Variants in EVPLL observed in about 807,000 individuals in gnomAD.
EVPLL encodes envoplakin-like protein.
A neutral mutation model predicts 46.2 loss-of-function variants in EVPLL; 39 were observed. That is an observed-to-expected ratio of 0.84 (90% CI 0.65 to 1.10). The LOEUF (loss-of-function observed/expected upper bound fraction) is 1.10, where lower values mean the gene tolerates loss of function less well. Ranked by LOEUF, EVPLL falls within the 50% of genes least tolerant of loss-of-function variation. The pLI, the probability that EVPLL is intolerant of heterozygous loss-of-function variation, is 0.00. For synonymous variants in EVPLL, 156 were observed against 165.8 expected (o/e 0.94, Z 0.46); for missense variants, 385 against 412.6 (o/e 0.93, Z 0.58).
chr17:18,379,331 G>A (rs1598093439), intron 1 of EVPLL, among the ~76,000 whole-genome samples: 1 of 152,238 alleles, frequency 6.6e-6, no homozygotes, highest in South Asian at 2.1e-4. Flanking sequence ...CCATTACCCC[G>A]ATAGGGATCA....
chr17:18,380,578 G>C (rs537848590), intron 1 of EVPLL: 28 of 238,058 alleles, frequency 1.2e-4, no homozygotes, highest in South Asian at 5.1e-4. Context: ...CGGCTCACAG[G>C]GGGGAAGTGG....
chr17:18,380,908 AC>A lies in EVPLL; in HGVS notation c.-27del. On this transcript the variant is annotated 5_prime_UTR_variant, in exon 2 of 11. The change abolishes the stop of an existing upstream ORF in the 5' untranslated region. Coordinates refer to ENST00000399134, the MANE Select transcript of EVPLL (RefSeq NM_001145127.2). Reference sequence around the variant, plus strand: ...GTCCCCTCCACCCACCAAGAATGCCACCCAGGAGCTGACCCTGCTCATCTCC... The same window carrying A: ...GTCCCCTCCACCCACCAAGAATGCCACCAGGAGCTGACCCTGCTCATCTCC... 3.8e-6 allele frequency: 6 copies of A among 1,571,020 alleles called. No homozygotes were observed. The highest frequency in any genetic ancestry group is 1.2e-5 in the South Asian group (1 of 84,944).
At chr17:18,379,619 C>A (rs77513611) in intron 1 of EVPLL, among the ~76,000 whole-genome samples, 3,135 of 152,290 alleles carry the variant, frequency 0.021, 152 homozygotes, top group East Asian at 0.17. Context: ...GCCCTGTTGG[C>A]TCTGGATCAC....
At position 18,383,188 on chromosome 17, in the gene EVPLL, C is replaced by A. The variant is rs773949798; in HGVS notation, c.672+3C>A. On this transcript the variant is annotated splice_donor_region_variant and intron_variant, in intron 7 of 10. Coordinates refer to ENST00000399134, the MANE Select transcript of EVPLL (RefSeq NM_001145127.2). ...CGGGCGTGCGGCGGGAATACGAGGT[C>A]GGCTGGCAGAGGTTGGGGCCAGGCG... 4.4e-5 allele frequency: 68 copies of A among 1,546,518 alleles called. No individual in the cohort carries two copies. The highest frequency in any genetic ancestry group is 4.3e-5 in the Non-Finnish European group (50 of 1,151,372).
In EVPLL at chr17:18,382,880, G is replaced by A. The variant is rs1767428149; in HGVS notation, c.511+16G>A. 4 of 1,611,848 alleles carry A rather than the reference G, an allele frequency of 2.5e-6. No homozygotes were observed. Among genetic ancestry groups the A allele is most frequent in the Non-Finnish European group, 3.4e-6 (4 of 1,179,176 alleles). On this transcript the variant is annotated intron_variant, in intron 6 of 10. Transcript: ENST00000399134. The stretch of plus-strand genomic sequence containing the variant: ...AGACCTACTGGTGAGCAGGAGGGAG[G>A]GTCGGGCAGGGTGGCTGCAGGTGGG...
In EVPLL at chr17:18,382,628, T is replaced by C. The variant is rs967017128; in HGVS notation, c.462T>C (p.Pro154=). ...DQRPRRAAAE[P]GGAGCRHHPE... ...GACCAAGGAGAGCAGCTGCGGAGCCTGGTGGGGCCGGTGGGTGAGCCGGGA... is the reference window on the plus strand; with the variant it reads ...GACCAAGGAGAGCAGCTGCGGAGCCCGGTGGGGCCGGTGGGTGAGCCGGGA... Residue 154 remains proline (P), a synonymous_variant, in exon 5 of 11, where the codon CCT becomes CCC. Transcript: ENST00000399134. The C allele has an allele frequency of 3.2e-6, 5 of 1,551,434 alleles. No individual in the cohort carries two copies. Among genetic ancestry groups the C allele is most frequent in the Non-Finnish European group, 4.4e-6 (5 of 1,146,958 alleles).
At position 18,382,703 on chromosome 17, in the gene EVPLL, C is replaced by T. The variant is rs1207000436; in HGVS notation, c.472+65C>T. On this transcript the variant is annotated intron_variant, in intron 5 of 10. Transcript: ENST00000399134. Reference sequence around the variant, plus strand: ...CAGCCCCTGTTTTTCCAGTCAGAGCCGGAGCTAGATCGGCTGGGCCCTGGG... The same window carrying T: ...CAGCCCCTGTTTTTCCAGTCAGAGCTGGAGCTAGATCGGCTGGGCCCTGGG... The T allele has an allele frequency of 8.6e-6, 13 of 1,509,046 alleles. No individual in the cohort carries two copies. In the South Asian group the frequency reaches 1.4e-4, roughly 17 times the overall value. 93.5% of individuals were successfully genotyped at this position (1,509,046 alleles called of 1,614,324 possible).
intron 9 of EVPLL, among the ~76,000 whole-genome samples, chr17:18,387,030 G>T (rs914015597): frequency 1.3e-5 from 2 of 151,074 alleles, no homozygotes; most frequent in African/African-American, 4.9e-5. Context: ...AAGTAGCTGG[G>T]ACTACAGGTG....
In EVPLL at chr17:18,382,882, T is replaced by C. The variant is rs1161796643; in HGVS notation, c.511+18T>C. ...ACCTACTGGTGAGCAGGAGGGAGGG[T>C]CGGGCAGGGTGGCTGCAGGTGGGCC... On this transcript the variant is annotated intron_variant, in intron 6 of 10. Coordinates refer to ENST00000399134, the MANE Select transcript of EVPLL (RefSeq NM_001145127.2). 6.2e-7 allele frequency: 1 copy of C among 1,610,770 alleles called. No homozygotes were observed. Among genetic ancestry groups the C allele is most frequent in the African/African-American group, 1.3e-5 (1 of 74,560 alleles).
intron 6 of EVPLL, 49 bp downstream of exon 6, chr17:18,382,913 GGC>G: frequency 6.2e-7 from 1 of 1,604,246 alleles, no homozygotes; most frequent in African/African-American, 1.3e-5. Context: ...GGGCCTGGGT[GGC>G]CGCCCGGACC....
At chr17:18,387,135 A>G (rs200023012) in intron 9 of EVPLL, among the ~76,000 whole-genome samples, 915 of 139,112 alleles carry the variant, frequency 6.6e-3, no homozygotes, top group African/African-American at 0.02. Flanking sequence ...TCCTGACCTC[A>G]TGATCTGCCC....
In EVPLL at chr17:18,381,435, G is replaced by T; in HGVS notation, c.132G>T (p.Glu44Asp). The T allele has an allele frequency of 6.2e-7, 1 of 1,612,144 alleles. No homozygotes were observed. The change falls in exon 3 of 11, where the codon GAG becomes GAT. Residue 44 changes from glutamate to aspartate, a missense_variant. Coordinates refer to ENST00000399134, the MANE Select transcript of EVPLL (RefSeq NM_001145127.2). The surrounding 1 kb of genome is among the most constrained non-coding windows in gnomAD (Gnocchi z 4.2). ...AGGAGACGGGCAGCAGCCTGAAGGA[G>T]GCCGAGGTGCTGCTCAAGGACCTCT... ...HQQETGSSLKEAEVLLKDLFL... is the reference protein window; with the variant it reads ...HQQETGSSLKDAEVLLKDLFL...
chr17:18,378,143 G>A (rs1007596257), intron 1 of EVPLL, among the ~76,000 whole-genome samples, 160 bp downstream of exon 1: 4 of 152,252 alleles, frequency 2.6e-5, no homozygotes, highest in Non-Finnish European at 5.9e-5. Context: ...CTCTCTCCCT[G>A]CCTTGGGAGC....
At chr17:18,384,070 G>A (rs1987692084) in intron 9 of EVPLL, among the ~76,000 whole-genome samples, 1 of 152,194 alleles carries the variant, frequency 6.6e-6, no homozygotes, top group African/African-American at 2.4e-5. Flanking sequence ...GTTCCCAGGG[G>A]GGTGAAAATT....
chr17:18,378,581 C>T (rs951374389), intron 1 of EVPLL, among the ~76,000 whole-genome samples: 5 of 152,034 alleles, frequency 3.3e-5, no homozygotes, highest in African/African-American at 7.2e-5. Context: ...GAGGCCAATG[C>T]GGGAGGATTC....
chr17:18,382,513 A>C lies in EVPLL; in HGVS notation c.347A>C (p.Glu116Ala). The change falls in exon 5 of 11, where the codon GAA (glutamate) becomes GCA (alanine). Residue 116 changes from glutamate (E) to alanine (A), a missense_variant and splice_region_variant. Transcript: ENST00000399134. ...RLGTRAGAET[E>A]AGLRRPVWAG... The stretch of plus-strand genomic sequence containing the variant: ...GACTGAGCCGCCGGCTCTCCTGCAG[A>C]AGCTGGTCTGCGCAGGCCAGTATGG... 1.3e-6 allele frequency: 2 copies of C among 1,551,502 alleles called. No homozygotes were observed. The highest frequency in any genetic ancestry group is 3.3e-4 in the Middle Eastern group (2 of 5,992).
At chr17:18,387,933 G>C in intron 9 of EVPLL, 1 of 136,056 alleles carries the variant, frequency 7.3e-6, no homozygotes. Context: ...AGGATTGCTT[G>C]AGCCTGGGAA....
At chr17:18,380,788 T>C (rs1598094487) in intron 1 of EVPLL, 114 bp from the exon 2 acceptor site, 1 of 842,086 alleles carries the variant, frequency 1.2e-6, no homozygotes, top group Non-Finnish European at 1.9e-6. Context: ...GTCAGGGCAG[T>C]GTGCTAGGCT....
In EVPLL at chr17:18,381,251, C is replaced by T; in HGVS notation, c.64-116C>T. The T allele has an allele frequency of 7.0e-7, 1 of 1,438,452 alleles. No homozygotes were observed. The allele number at this position is 1,438,452 out of a possible 1,614,324, so 89.1% of individuals were successfully genotyped here. ...GCCTGACCCTGTGCCTGGCGTGGGCCTCGAGGTTGGCCAGCATAGCTGGGG... is the reference window on the plus strand; with the variant it reads ...GCCTGACCCTGTGCCTGGCGTGGGCTTCGAGGTTGGCCAGCATAGCTGGGG... On this transcript the variant is annotated intron_variant, in intron 2 of 10. Coordinates refer to ENST00000399134, the MANE Select transcript of EVPLL (RefSeq NM_001145127.2). The surrounding 1 kb of genome is among the most constrained non-coding windows in gnomAD (Gnocchi z 4.2).
Sources: allele counts gnomAD v4.1 joint callset (sites outside exome capture counted in the v4.1 genomes callset), GRCh38; gene constraint gnomAD v4.1.1; non-coding constraint Gnocchi (gnomAD v3.1); transcripts MANE v1.5; gene names NCBI Gene and HGNC (gene_info 2026-07-23, HGNC 2026-07-21).